The following CHN2 variants were observed in gnomAD, a reference collection of about 807,000 sequenced individuals.
CHN2 encodes the protein beta-chimaerin.
CHN2 carries 35 observed loss-of-function variants against 56.3 expected under a neutral mutation model. That is an observed-to-expected ratio of 0.62 (90% CI 0.47 to 0.82). The LOEUF is 0.82. CHN2 is among the 40% of genes least tolerant of loss of function. The pLI is 0.00. For missense variants in CHN2, 491 were observed against 580.5 expected, an observed-to-expected ratio of 0.85 and a Z score of 1.58; for synonymous variants, 210 against 212.8, an observed-to-expected ratio of 0.99 and a Z score of 0.12.
At chr7:29,468,628 A>C (rs1427764404) in intron 6 of CHN2, among the ~76,000 whole-genome samples, 2 of 152,206 alleles carry the variant, frequency 1.3e-5, no homozygotes, top group East Asian at 1.9e-4. Flanking sequence ...TACTCCCAGC[A>C]CTGGCTGTAC....
intron 8 of CHN2, 132 bp downstream of exon 8, chr7:29,496,168 G>A (rs1789259430): frequency 1.7e-6 from 1 of 575,776 alleles, no homozygotes; most frequent in Non-Finnish European, 2.9e-6. Flanking sequence ...TTCAAGGCCT[G>A]TCTGTGCTTA....
Position 29,472,299 on chromosome 7 carries a change from G to GCACACA in CHN2, c.577-7973_577-7968dup, listed in dbSNP as rs59917710. Among the ~76,000 whole-genome samples the GCACACA allele has an allele frequency of 1.2e-4, 13 of 105,550 alleles. No individual in the cohort carries two copies. In the Middle Eastern group the frequency reaches 0.018, roughly 144 times the overall value. The allele number at this position is 105,550 out of a possible 152,430, so 69.2% of individuals were successfully genotyped here. ...CACACACACACACACACACACACAC[G>GCACACA]CACACACACACATTAGACACAGAAA... is the stretch of plus-strand genomic sequence containing the variant. On this transcript the variant is annotated intron_variant, in intron 6 of 12. Transcript: ENST00000222792.
intron 6 of CHN2, among the ~76,000 whole-genome samples, chr7:29,407,349 T>A (rs76664424): frequency 0.034 from 5,071 of 150,474 alleles, 285 homozygotes; most frequent in African/African-American, 0.11. Context: ...TCCTAGGGGG[T>A]GGAGAGGCTT....
intron 6 of CHN2, among the ~76,000 whole-genome samples, chr7:29,444,444 C>T (rs937147980): frequency 1.3e-5 from 2 of 152,144 alleles, no homozygotes; most frequent in African/African-American, 4.8e-5. Flanking sequence ...TATCAATGAC[C>T]TCACTCACCT....
intron 1 of CHN2, among the ~76,000 whole-genome samples, chr7:29,307,637 A>T (rs562995923): frequency 6.6e-6 from 1 of 152,214 alleles, no homozygotes; most frequent in South Asian, 2.1e-4. Flanking sequence ...AGAGTCAGAG[A>T]GTCATTGAAG....
intron 1 of CHN2, among the ~76,000 whole-genome samples, chr7:29,322,859 G>A (rs1795471037): frequency 6.6e-6 from 1 of 152,184 alleles, no homozygotes; most frequent in East Asian, 1.9e-4. Context: ...AACTTTTGGA[G>A]ACCACTAGTG....
intron 1 of CHN2, among the ~76,000 whole-genome samples, chr7:29,349,152 T>G (rs1260449638): frequency 6.6e-6 from 1 of 152,198 alleles, no homozygotes; most frequent in Non-Finnish European, 1.5e-5. Flanking sequence ...ACGCCCACCC[T>G]TCAGTAGGAA....
chr7:29,295,505 G>T (rs1249950626), intron 1 of CHN2, among the ~76,000 whole-genome samples: 1 of 151,706 alleles, frequency 6.6e-6, no homozygotes, highest in Non-Finnish European at 1.5e-5. Context: ...GCTCACGCCT[G>T]TGATCTCAGC....
At position 29,512,766 on chromosome 7, in the gene CHN2, G is replaced by T. The variant is rs1215331809; in HGVS notation, c.*31G>T. On this transcript the variant is annotated 3_prime_UTR_variant, in exon 13 of 13. Coordinates refer to ENST00000222792, the MANE Select transcript of CHN2 (RefSeq NM_004067.4). ...CAGGGAAATGAGCTGAATGGCCCCA[G>T]CACCATCCAAGTTGACACAGCTAAA... 1 of 1,593,318 alleles carries T rather than the reference G, an allele frequency of 6.3e-7. No homozygotes were observed. Among genetic ancestry groups the T allele is most frequent in the Non-Finnish European group, 8.5e-7 (1 of 1,170,884 alleles).
At chr7:29,483,089 A>G (rs202186135) in intron 7 of CHN2, among the ~76,000 whole-genome samples, 2 of 151,846 alleles carry the variant, frequency 1.3e-5, no homozygotes, top group African/African-American at 2.4e-5. Flanking sequence ...CCAAAGTGCT[A>G]GGATTACAGG....
chr7:29,494,810 A>AGTAAT (rs1394149338), intron 7 of CHN2, among the ~76,000 whole-genome samples: 19 of 152,096 alleles, frequency 1.2e-4, no homozygotes, highest in African/African-American at 3.4e-4. Context: ...TTGCCTCTTT[A>AGTAAT]TGTACACCCA....
intron 3 of CHN2, among the ~76,000 whole-genome samples, chr7:29,381,357 G>C (rs551187713): frequency 6.6e-6 from 1 of 152,324 alleles, no homozygotes; most frequent in South Asian, 2.1e-4. Context: ...GCTCGTGCCA[G>C]AAAAGTATGC....
chr7:29,280,113 G>C (rs1791565399), intron 1 of CHN2, among the ~76,000 whole-genome samples: 2 of 152,220 alleles, frequency 1.3e-5, no homozygotes, highest in East Asian at 3.9e-4. Flanking sequence ...GCCATGCGCG[G>C]TGGCTCACGC....
chr7:29,240,554 T>G (rs1351370181), intron 1 of CHN2, among the ~76,000 whole-genome samples: 1 of 152,230 alleles, frequency 6.6e-6, no homozygotes, highest in African/African-American at 2.4e-5. Context: ...AGGGACCAGT[T>G]ATTTTACTAT....
chr7:29,511,451 C>T (rs544786711), intron 12 of CHN2, among the ~76,000 whole-genome samples: 66 of 152,288 alleles, frequency 4.3e-4, no homozygotes, highest in African/African-American at 1.5e-3. Context: ...TCAGCTGAAC[C>T]TTAAATGCCA....
At chr7:29,493,325 CAAT>C (rs1275147963) in intron 7 of CHN2, among the ~76,000 whole-genome samples, 1 of 152,160 alleles carries the variant, frequency 6.6e-6, no homozygotes, top group African/African-American at 2.4e-5. Flanking sequence ...TGATCCCCCT[CAAT>C]GATGAAATCA....
At chr7:29,324,093 G>C (rs1366865067) in intron 1 of CHN2, among the ~76,000 whole-genome samples, 1 of 152,154 alleles carries the variant, frequency 6.6e-6, no homozygotes, top group Non-Finnish European at 1.5e-5. Flanking sequence ...TTTGGGAGGT[G>C]GGGGGCGGGC....
intron 1 of CHN2, among the ~76,000 whole-genome samples, chr7:29,223,821 C>T (rs1403184969): frequency 8.5e-5 from 13 of 152,190 alleles, no homozygotes; most frequent in African/African-American, 2.9e-4. Flanking sequence ...TTCAGCTTTA[C>T]ACAATACTGC....
chr7:29,176,279 G>A (rs1373938803), intron 2 of CHN2, among the ~76,000 whole-genome samples: 1 of 151,940 alleles, frequency 6.6e-6, no homozygotes, highest in Non-Finnish European at 1.5e-5. Context: ...AAGGCCAATA[G>A]GTCCTGAGCA....
Sources: gnomAD v4.1 joint callset for allele counts (sites outside exome capture counted in the v4.1 genomes callset) on GRCh38, gnomAD v4.1.1 for gene constraint, MANE v1.5 for transcripts, NCBI Gene and HGNC (gene_info 2026-07-23, HGNC 2026-07-21) for gene names.